Variants in DHCR24 observed in about 807,000 individuals in gnomAD.
DHCR24 encodes delta(24)-sterol reductase.
DHCR24 carries 28 observed loss-of-function variants against 61.2 expected under a neutral mutation model. That is an observed-to-expected ratio of 0.46 (90% CI 0.34 to 0.63). The LOEUF (loss-of-function observed/expected upper bound fraction) is 0.63. Among genes scored for constraint, DHCR24 ranks in the 20% least tolerant of loss-of-function variants. The probability of loss-of-function intolerance (pLI) is 0.01; values close to 1 mark genes in which losing one functional copy is unlikely to be tolerated. For synonymous variants in DHCR24, 261 were observed against 275.9 expected (o/e 0.95, Z 0.54); for missense variants, 538 against 679.1 (o/e 0.79, Z 2.31).
At chr1:54,881,380 T>C (rs1404253112) in intron 2 of DHCR24, among the ~76,000 whole-genome samples, 1 of 151,948 alleles carries the variant, frequency 6.6e-6, no homozygotes, top group East Asian at 1.9e-4. Context: ...CCAAGAAGCA[T>C]ATGAAAAAAA....
Position 54,871,514 on chromosome 1 carries a change from C to T in DHCR24, c.712G>A (p.Val238Ile), listed in dbSNP as rs886046421. ...EIRIIPAKKY[V>I]KLRFEPVRGL... Reference sequence around the variant, plus strand: ...CGCACTGGCTCGAAACGCAGCTTGACGTACTTCTTGGCAGGGATGATGCGG... The same window carrying T: ...CGCACTGGCTCGAAACGCAGCTTGATGTACTTCTTGGCAGGGATGATGCGG... The change falls in exon 5 of 9, where the codon GTC becomes ATC. Residue 238 changes from valine (V) to isoleucine (I), a missense_variant. By Grantham distance (29) the Val-to-Ile change is conservative. Coordinates refer to ENST00000371269, the MANE Select transcript of DHCR24 (RefSeq NM_014762.4). The T allele has an allele frequency of 8.1e-6, 13 of 1,614,086 alleles. No individual in the cohort carries two copies. The highest frequency in any genetic ancestry group is 1.3e-5 in the African/African-American group (1 of 74,932).
At chr1:54,857,392 T>C (rs1165932377) in intron 6 of DHCR24, among the ~76,000 whole-genome samples, 1 of 152,248 alleles carries the variant, frequency 6.6e-6, no homozygotes, top group Non-Finnish European at 1.5e-5. Flanking sequence ...AAGGACCCTA[T>C]CTTATCCTTT....
At chr1:54,877,817 C>G (rs1396244064) in intron 2 of DHCR24, among the ~76,000 whole-genome samples, 1 of 151,692 alleles carries the variant, frequency 6.6e-6, no homozygotes, top group Non-Finnish European at 1.5e-5. Flanking sequence ...TCAAGACCAG[C>G]CCGACAACAT....
chr1:54,886,576 A>G, intron 1 of DHCR24: 1 of 1,387,936 alleles, frequency 7.2e-7, no homozygotes, highest in Non-Finnish European at 9.5e-7. Context: ...ACCTCCCGGA[A>G]GCCTTTCCTT....
intron 3 of DHCR24, 133 bp downstream of exon 3, chr1:54,875,809 G>C: frequency 1.3e-6 from 1 of 747,454 alleles, no homozygotes; most frequent in South Asian, 1.5e-5. Context: ...GAGCAGGCAA[G>C]TAAGAGACTG....
At chr1:54,852,519 G>T in intron 8 of DHCR24, 133 bp from the exon 9 acceptor site, 1 of 1,003,278 alleles carries the variant, frequency 1.0e-6, no homozygotes, top group Non-Finnish European at 1.5e-6. Flanking sequence ...CCGTTAACCT[G>T]GTGAAGAAGA....
intron 2 of DHCR24, among the ~76,000 whole-genome samples, chr1:54,880,005 A>C (rs1049715599): frequency 6.6e-6 from 1 of 152,200 alleles, no homozygotes; most frequent in African/African-American, 2.4e-5. Context: ...ACCAAAGCAG[A>C]AATCAATGAA....
rs554664990 is a variant in DHCR24 at position 54,883,976 on chromosome 1, C to T, written c.232-203G>A. On this transcript the variant is annotated intron_variant, in intron 1 of 8. Transcript: ENST00000371269. The surrounding 1 kb of genome is among the most constrained non-coding windows in gnomAD (Gnocchi z 4.3). ...CAGAAAAGCCAACATATTGCTACAC[C>T]ACAAGGCAGAATGATGAAAGAGCTA... 4.4e-4 allele frequency among the ~76,000 whole-genome samples: 67 copies of T among 152,342 alleles called. No individual in the cohort carries two copies. The South Asian group carries it at 0.013, about 29-fold the overall frequency.
chr1:54,854,469 C>T (rs1424966334), intron 6 of DHCR24, among the ~76,000 whole-genome samples: 1 of 152,140 alleles, frequency 6.6e-6, no homozygotes, highest in Admixed American at 6.5e-5. Context: ...TACTTAACTT[C>T]TTTGAGCTCA....
intron 6 of DHCR24, among the ~76,000 whole-genome samples, chr1:54,860,742 T>C (rs1027651600): frequency 1.8e-4 from 27 of 152,252 alleles, no homozygotes; most frequent in African/African-American, 5.5e-4. Context: ...TCCCAGCACT[T>C]TGGGAGGCCG....
At chr1:54,874,964 T>C (rs1368315250) in intron 4 of DHCR24, 129 bp downstream of exon 4, 1 of 825,182 alleles carries the variant, frequency 1.2e-6, no homozygotes, top group Non-Finnish European at 2.1e-6. Context: ...CAAATTTTTG[T>C]TTACAGATAT....
intron 2 of DHCR24, among the ~76,000 whole-genome samples, chr1:54,879,309 C>A (rs1280801522): frequency 3.0e-5 from 3 of 100,878 alleles, no homozygotes; most frequent in African/African-American, 4.0e-5. Flanking sequence ...GAGGACAGAG[C>A]AAGACTCCAT....
intron 6 of DHCR24, among the ~76,000 whole-genome samples, chr1:54,864,612 G>A (rs1570187768): frequency 1.3e-5 from 2 of 152,298 alleles, no homozygotes; most frequent in Non-Finnish European, 2.9e-5. Flanking sequence ...CACAGAGGTA[G>A]TGGTTGCACA....
At chr1:54,861,916 C>T (rs72903503) in intron 6 of DHCR24, among the ~76,000 whole-genome samples, 15,697 of 152,140 alleles carry the variant, frequency 0.1, 1,073 homozygotes, top group East Asian at 0.2. Flanking sequence ...CCTTATTTCA[C>T]TGAGAAAACA....
Position 54,886,882 on chromosome 1 carries a change from C to T in DHCR24, c.231+7G>A, listed in dbSNP as rs1342090337. On this transcript the variant is annotated splice_region_variant and intron_variant, in intron 1 of 8. Coordinates refer to ENST00000371269, the MANE Select transcript of DHCR24 (RefSeq NM_014762.4). ...CCTGAGTCCCGGCCGCACCCGGCGC[C>T]GCTCACCTGCTTCTGGATGTCCCGC... The T allele has an allele frequency of 6.2e-7, 1 of 1,611,918 alleles. No homozygotes were observed.
chr1:54,886,708 C>A (rs1217732070), intron 1 of DHCR24, 181 bp downstream of exon 1: 2 of 1,464,810 alleles, frequency 1.4e-6, no homozygotes, highest in Admixed American at 2.0e-5. Context: ...TTTGCCTGTT[C>A]TGTTCCCCCG....
chr1:54,855,153 G>C (rs1347673802), intron 6 of DHCR24, among the ~76,000 whole-genome samples: 1 of 152,152 alleles, frequency 6.6e-6, no homozygotes, highest in Non-Finnish European at 1.5e-5. Context: ...CCAGCACTTT[G>C]GGAGGCCGAG....
chr1:54,878,996 G>A (rs180871221), intron 2 of DHCR24, among the ~76,000 whole-genome samples: 13 of 152,042 alleles, frequency 8.6e-5, no homozygotes, highest in Non-Finnish European at 1.6e-4. Flanking sequence ...CTCTATATTC[G>A]AAAATTTAAC....
At chr1:54,865,263 T>G (rs374962578) in intron 6 of DHCR24, 40 bp downstream of exon 6, 566 of 1,600,476 alleles carry the variant, frequency 3.5e-4, no homozygotes, top group Non-Finnish European at 4.4e-4. Flanking sequence ...CCTGCCCAGC[T>G]GGCCTGGAGG....
Sources: gnomAD v4.1 joint callset for allele counts (sites outside exome capture counted in the v4.1 genomes callset) on GRCh38, gnomAD v4.1.1 for gene constraint, Gnocchi (gnomAD v3.1) non-coding constraint, MANE v1.5 for transcripts, NCBI Gene and HGNC (gene_info 2026-07-23, HGNC 2026-07-21) for gene names.